SFMBT1: variants seen among roughly 807,000 people sequenced by gnomAD.
SFMBT1 encodes Scm like with four mbt domains 1, also known as scm-like with four MBT domains protein 1.
Under a neutral mutation model 108.7 loss-of-function variants are expected in SFMBT1, and 32 were observed. The ratio of observed to expected loss-of-function variants is 0.29; its 90% CI spans 0.22 to 0.40. The LOEUF is 0.40. Among genes scored for constraint, SFMBT1 ranks in the 10% least tolerant of loss-of-function variants. SFMBT1 has a pLI of 1.00. For synonymous variants in SFMBT1, 348 were observed against 369.5 expected (o/e 0.94, Z 0.67); for missense variants, 816 against 1,059.6 (o/e 0.77, Z 3.19).
chr3:52,960,813 T>C (rs144378026), intron 2 of SFMBT1, among the ~76,000 whole-genome samples: 1 of 152,254 alleles, frequency 6.6e-6, no homozygotes, highest in African/African-American at 2.4e-5. Flanking sequence ...GGTATATACA[T>C]ACAATGGAAT....
At chr3:52,939,813 G>T (rs1464533389) in intron 4 of SFMBT1, among the ~76,000 whole-genome samples, 1 of 151,396 alleles carries the variant, frequency 6.6e-6, no homozygotes, top group Non-Finnish European at 1.5e-5. Context: ...ACTCATTCCT[G>T]TGCTCATTTT....
intron 3 of SFMBT1, among the ~76,000 whole-genome samples, chr3:52,952,141 G>A (rs1486808258): frequency 1.3e-5 from 2 of 151,926 alleles, no homozygotes; most frequent in Admixed American, 1.3e-4. Context: ...GGCGGATCAC[G>A]AGGTCAGGAG....
At chr3:53,007,287 A>G (rs1698779998) in intron 1 of SFMBT1, among the ~76,000 whole-genome samples, 1 of 152,250 alleles carries the variant, frequency 6.6e-6, no homozygotes, top group Non-Finnish European at 1.5e-5. Context: ...AAAAGGAAAA[A>G]TATACAAAAA....
Position 52,907,288 on chromosome 3 carries a change from G to A in SFMBT1, c.2112C>T (p.Asp704=). Residue 704 remains aspartate (D), a synonymous_variant, in exon 19 of 21, where the codon GAC becomes GAT. Transcript: ENST00000394752. ...PQGSGGEDED[D]PDEGDDDSLS... ...GGGAATCATCATCCCCTTCATCTGG[G>A]TCATCCTCATCTTCACCCCCACTTC... is the stretch of plus-strand genomic sequence containing the variant. The A allele has an allele frequency of 6.2e-7, 1 of 1,613,540 alleles. No individual in the cohort carries two copies. The highest frequency in any genetic ancestry group is 1.1e-5 in the South Asian group (1 of 91,060).
chr3:52,915,780 T>TA (rs1267080839), intron 14 of SFMBT1, among the ~76,000 whole-genome samples: 1 of 152,182 alleles, frequency 6.6e-6, no homozygotes, highest in Non-Finnish European at 1.5e-5. Flanking sequence ...ATGCATATCA[T>TA]AAAAAAGGGT....
intron 1 of SFMBT1, among the ~76,000 whole-genome samples, chr3:52,986,531 C>T (rs1458488740): frequency 1.3e-5 from 2 of 151,552 alleles, no homozygotes; most frequent in Admixed American, 6.6e-5. Context: ...TTTGGGAAGC[C>T]GAGGTGGGCA....
At chr3:52,991,919 G>T (rs1395748861) in intron 1 of SFMBT1, among the ~76,000 whole-genome samples, 1 of 152,168 alleles carries the variant, frequency 6.6e-6, no homozygotes, top group African/African-American at 2.4e-5. Flanking sequence ...TGAGTCTCAG[G>T]TGTTCTGTCA....
chr3:53,013,794 A>G (rs890969959), intron 1 of SFMBT1, among the ~76,000 whole-genome samples: 5 of 151,380 alleles, frequency 3.3e-5, no homozygotes, highest in African/African-American at 7.3e-5. Flanking sequence ...ACACCCAGCT[A>G]ATTTTTGTAT....
At chr3:52,991,146 A>C (rs1310511224) in intron 1 of SFMBT1, among the ~76,000 whole-genome samples, 1 of 152,112 alleles carries the variant, frequency 6.6e-6, no homozygotes, top group Non-Finnish European at 1.5e-5. Context: ...GGTGACTCTA[A>C]AAGTTAGAGA....
chr3:52,979,644 T>G (rs978465555), intron 1 of SFMBT1, among the ~76,000 whole-genome samples: 1 of 152,096 alleles, frequency 6.6e-6, no homozygotes, highest in African/African-American at 2.4e-5. Flanking sequence ...AGTAACAGAG[T>G]GCTTAAATTA....
At position 52,945,151 on chromosome 3, in the gene SFMBT1, A is replaced by AAACAAAAAAAAAAAAAAAC. The variant is rs1208407962; in HGVS notation, c.124-1559_124-1558insGTTTTTTTTTTTTTTTGTT. ...ACCTTCCAATTAAAAAAAAAAAAAA[A>AAACAAAAAAAAAAAAAAAC]CAAGGACTTCAGGGAAAAAAGCTTA... On this transcript the variant is annotated intron_variant, in intron 3 of 20. Transcript: ENST00000394752. Among the ~76,000 whole-genome samples the AAACAAAAAAAAAAAAAAAC allele has an allele frequency of 6.7e-5, 10 of 148,688 alleles. 1 individual carries two copies. Among genetic ancestry groups the AAACAAAAAAAAAAAAAAAC allele is most frequent in the African/African-American group, 2.5e-4 (10 of 40,220 alleles).
chr3:53,031,483 T>C lies in SFMBT1; in HGVS notation c.-131+14333A>G, dbSNP rs76191682. Among the ~76,000 whole-genome samples the C allele has an allele frequency of 4.6e-5, 7 of 152,310 alleles. No homozygotes were observed. In the East Asian group the frequency reaches 1.3e-3, roughly 29 times the overall value. On this transcript the variant is annotated intron_variant, in intron 1 of 20. Coordinates refer to ENST00000394752, the MANE Select transcript of SFMBT1 (RefSeq NM_016329.4). ...AAAAATGAAGATGAGGAAAGGCATT[T>C]TGCCAACTTAAAACATTCATCAAAA... is the stretch of plus-strand genomic sequence containing the variant.
In SFMBT1 at chr3:52,989,435, A is replaced by G. The variant is rs796462238; in HGVS notation, c.-130-20177T>C. Among the ~76,000 whole-genome samples, 11 of 137,796 alleles carry G rather than the reference A, an allele frequency of 8.0e-5. No homozygotes were observed. The East Asian group carries it at 8.9e-4, about 11-fold the overall frequency. The allele number at this position is 137,796 out of a possible 152,430, so 90.4% of individuals were successfully genotyped here. On this transcript the variant is annotated intron_variant, in intron 1 of 20. Coordinates refer to ENST00000394752, the MANE Select transcript of SFMBT1 (RefSeq NM_016329.4). ...CTGACTCCATCTCAAAAAAAAAAAA[A>G]AAAGAAAGAAAGAAAGAAAGAAAGA...
At chr3:53,045,453 T>G in intron 1 of SFMBT1, among the ~76,000 whole-genome samples, 1 of 142,030 alleles carries the variant, frequency 7.0e-6, no homozygotes, top group East Asian at 2.1e-4. Context: ...CCCGGCCACT[T>G]TCCTTTCACG....
chr3:52,946,070 C>T (rs1413630805), intron 3 of SFMBT1, among the ~76,000 whole-genome samples: 1 of 152,170 alleles, frequency 6.6e-6, no homozygotes, highest in African/African-American at 2.4e-5. Context: ...ATTCCTACAA[C>T]ATTATTACCA....
chr3:52,907,794 A>G (rs1702109575), intron 17 of SFMBT1, 61 bp from the exon 18 acceptor site: 1 of 1,469,672 alleles, frequency 6.8e-7, no homozygotes, highest in Non-Finnish European at 9.2e-7. Flanking sequence ...CCTCAAAACC[A>G]CAAGAGATTT....
At chr3:52,945,048 C>T (rs1443779894) in intron 3 of SFMBT1, among the ~76,000 whole-genome samples, 3 of 150,134 alleles carry the variant, frequency 2.0e-5, no homozygotes, top group African/African-American at 7.4e-5. Flanking sequence ...AAGCAATCTG[C>T]CCATCTTGGC....
intron 14 of SFMBT1, among the ~76,000 whole-genome samples, chr3:52,914,083 T>G (rs1026087218): frequency 6.6e-6 from 1 of 152,222 alleles, no homozygotes. Flanking sequence ...CCTTTGATGT[T>G]GTGAGAGCAA....
At chr3:52,913,880 C>CT (rs1702274820) in intron 14 of SFMBT1, among the ~76,000 whole-genome samples, 1 of 152,126 alleles carries the variant, frequency 6.6e-6, no homozygotes, top group African/African-American at 2.4e-5. Flanking sequence ...TAGAAGAACC[C>CT]TATCTTCTAT....
Sources: allele counts gnomAD v4.1 joint callset (sites outside exome capture counted in the v4.1 genomes callset), GRCh38; gene constraint gnomAD v4.1.1; transcripts MANE v1.5; gene names NCBI Gene and HGNC (gene_info 2026-07-23, HGNC 2026-07-21).